The following EFHC1 variants were observed in gnomAD, a reference collection of about 807,000 sequenced individuals.
The protein encoded by EFHC1 is EF-hand domain-containing protein 1.
A neutral mutation model predicts 69.9 loss-of-function variants in EFHC1; 53 were observed. The ratio of observed to expected loss-of-function variants is 0.76; its 90% confidence interval spans 0.61 to 0.95. EFHC1 has a LOEUF of 0.95. Ranked by LOEUF, EFHC1 falls within the 40% of genes least tolerant of loss-of-function variation. EFHC1 has a pLI of 0.00. For missense variants in EFHC1, 739 were observed against 798.7 expected (o/e 0.93, Z 0.90); for synonymous variants, 256 against 278.4 (o/e 0.92, Z 0.80).
chr6:52,468,955 T>A (rs1765373471), intron 6 of EFHC1: 1 of 295,332 alleles, frequency 3.4e-6, no homozygotes, highest in South Asian at 3.5e-5. Flanking sequence ...CTTGTTAAAG[T>A]GCCTGAAAAT....
chr6:52,423,624 A>C, intron 1 of EFHC1: 2 of 542,648 alleles, frequency 3.7e-6, no homozygotes, highest in Non-Finnish European at 6.4e-6. Context: ...ACCTCAGCCG[A>C]CTATAATAGG....
intron 6 of EFHC1, 87 bp from the exon 7 acceptor site, chr6:52,469,246 G>GT (rs1765380309): frequency 1.3e-6 from 2 of 1,526,648 alleles, no homozygotes; most frequent in Admixed American, 3.6e-5. Flanking sequence ...ATTTTCTAGA[G>GT]TTTTTTCTTT....
intron 4 of EFHC1, 194 bp from the exon 5 acceptor site, chr6:52,453,901 T>C: frequency 6.9e-7 from 1 of 1,445,862 alleles, no homozygotes; most frequent in Non-Finnish European, 9.2e-7. Context: ...TTCCAGCTGC[T>C]GACATATAGT....
At position 52,479,712 on chromosome 6, in the gene EFHC1, A is replaced by G. The variant is rs752066434; in HGVS notation, c.1565A>G (p.Gln522Arg). The change falls in exon 9 of 11, where the codon CAG (glutamine) becomes CGG (arginine). Residue 522 changes from glutamine to arginine, a missense_variant. Transcript: ENST00000371068. ...AAATACATGGAGAGCAACGCTGCCC[A>G]GTATTCACCAGAAGCACTCGCGTCA... ...VLKYMESNAA[Q>R]YSPEALASIQ... The G allele has an allele frequency of 3.1e-6, 5 of 1,614,110 alleles. No individual in the cohort carries two copies. The highest frequency in any genetic ancestry group is 1.3e-5 in the African/African-American group (1 of 74,932).
chr6:52,462,918 C>T (rs1261279740), intron 5 of EFHC1, among the ~76,000 whole-genome samples: 1 of 150,792 alleles, frequency 6.6e-6, no homozygotes, highest in Non-Finnish European at 1.5e-5. Flanking sequence ...TTTAAAGTGC[C>T]ATAGCCATTA....
intron 2 of EFHC1, among the ~76,000 whole-genome samples, chr6:52,424,426 G>A (rs184687786): frequency 9.2e-5 from 14 of 152,246 alleles, no homozygotes; most frequent in African/African-American, 3.4e-4. Flanking sequence ...AAGAAAAGTT[G>A]GCTATAATTC....
At chr6:52,484,632 A>C (rs1765749517) in intron 9 of EFHC1, 1 of 152,324 alleles carries the variant, frequency 6.6e-6, no homozygotes, top group South Asian at 2.1e-4. Flanking sequence ...AATAATGACT[A>C]AGTATTATCA....
chr6:52,473,716 A>C (rs1765486976), intron 7 of EFHC1, among the ~76,000 whole-genome samples: 1 of 151,904 alleles, frequency 6.6e-6, no homozygotes, highest in African/African-American at 2.4e-5. Flanking sequence ...TGGGGGGCGG[A>C]GGTTGCAGTG....
chr6:52,494,954 C>G lies in EFHC1; in HGVS notation c.*2613C>G, dbSNP rs1472384660. 2.2e-6 allele frequency: 1 copy of G among 453,828 alleles called. No homozygotes were observed. The highest frequency in any genetic ancestry group is 1.6e-5 in the South Asian group (1 of 64,462). The allele number at this position is 453,828 out of a possible 1,614,324, so 28.1% of individuals were successfully genotyped here. A position where few individuals can be genotyped will look rare whatever the true frequency, so the allele number is the denominator to read the frequency against. On this transcript the variant is annotated 3_prime_UTR_variant, in exon 11 of 11. Coordinates refer to ENST00000371068, the MANE Select transcript of EFHC1 (RefSeq NM_018100.4). ...AAATCTAATCCACCATTGATTGGCA[C>G]CTAGGTTGATTCCATGTCCTTTGCT...
intron 7 of EFHC1, among the ~76,000 whole-genome samples, chr6:52,473,546 C>G (rs1370162197): frequency 6.6e-6 from 1 of 151,958 alleles, no homozygotes; most frequent in African/African-American, 2.4e-5. Context: ...TTTGGGAGAC[C>G]AAGGTGGGCA....
intron 9 of EFHC1, chr6:52,483,529 C>CAGTGT (rs1765723794): frequency 6.6e-6 from 1 of 152,196 alleles, no homozygotes; most frequent in Non-Finnish European, 1.5e-5. Flanking sequence ...AGCTCAAAGG[C>CAGTGT]AGTTCTGCAC....
chr6:52,491,066 G>C (rs564682754), intron 10 of EFHC1: 2 of 152,390 alleles, frequency 1.3e-5, no homozygotes, highest in Non-Finnish European at 1.5e-5. Flanking sequence ...GAATTTAAGA[G>C]TCATTTAGGA....
Position 52,479,758 on chromosome 6 carries a change from G to T in EFHC1, c.1611G>T (p.Lys537Asn). The T allele has an allele frequency of 6.2e-7, 1 of 1,614,204 alleles. No homozygotes were observed. The highest frequency in any genetic ancestry group is 8.5e-7 in the Non-Finnish European group (1 of 1,180,034). Residue 537 changes from lysine to asparagine, a missense_variant, in exon 9 of 11, where the codon AAG (lysine) becomes AAT (asparagine). Lys to Asn is a moderately conservative substitution (Grantham distance 94). Transcript: ENST00000371068. ...ALASIQNHVR[K>N]REAPAPEAES... The stretch of plus-strand genomic sequence containing the variant: ...CGTCAATTCAGAACCATGTCCGAAA[G>T]CGAGAAGCGCCTGCTCCAGAAGCAG...
intron 5 of EFHC1, among the ~76,000 whole-genome samples, chr6:52,454,688 A>G (rs1334533377): frequency 1.3e-5 from 2 of 152,158 alleles, no homozygotes; most frequent in African/African-American, 2.4e-5. Flanking sequence ...ACTACTTCCT[A>G]AACAGGAAGT....
intron 3 of EFHC1, among the ~76,000 whole-genome samples, chr6:52,440,129 G>C (rs1390622240): frequency 6.6e-6 from 1 of 152,090 alleles, no homozygotes; most frequent in African/African-American, 2.4e-5. Context: ...CACTGAATTA[G>C]TGAATACTGA....
chr6:52,467,470 C>G (rs529297728), intron 6 of EFHC1, among the ~76,000 whole-genome samples: 1 of 152,054 alleles, frequency 6.6e-6, no homozygotes, highest in Non-Finnish European at 1.5e-5. Context: ...CATGAGCCAC[C>G]GCACCGGCCT....
chr6:52,454,945 A>G (rs1470225746), intron 5 of EFHC1, among the ~76,000 whole-genome samples: 7 of 152,072 alleles, frequency 4.6e-5, no homozygotes, highest in Non-Finnish European at 1.0e-4. Context: ...TACAAAAATT[A>G]GCCATGCTTG....
At chr6:52,480,083 T>A in intron 9 of EFHC1, 2 of 592,732 alleles carry the variant, frequency 3.4e-6, no homozygotes, top group South Asian at 4.1e-5. Flanking sequence ...ACTTAACTAC[T>A]AATAGCCTAC....
chr6:52,440,812 T>C (rs1764645981), intron 3 of EFHC1, among the ~76,000 whole-genome samples: 1 of 152,190 alleles, frequency 6.6e-6, no homozygotes, highest in Non-Finnish European at 1.5e-5. Flanking sequence ...TTTTTTACTT[T>C]TTAATAATAG....
Sources: allele counts gnomAD v4.1 joint callset (sites outside exome capture counted in the v4.1 genomes callset), GRCh38; gene constraint gnomAD v4.1.1; transcripts MANE v1.5; gene names NCBI Gene and HGNC (gene_info 2026-07-23, HGNC 2026-07-21).